SVEP1: variants seen among roughly 807,000 people sequenced by gnomAD.
The protein encoded by SVEP1 is sushi, von Willebrand factor type A, EGF and pentraxin domain containing 1.
In SVEP1, 164 loss-of-function variants were observed where a neutral mutation model predicts 367.3. The observed-to-expected ratio is 0.45, with a 90% CI of 0.39 to 0.51. The LOEUF is 0.51. Among genes scored for constraint, SVEP1 ranks in the 20% least tolerant of loss-of-function variants. SVEP1 has a pLI of 0.00. For missense variants in SVEP1, 4,117 were observed against 4,425.3 expected, an observed-to-expected ratio of 0.93 and a Z score of 1.98; for synonymous variants, 1,666 against 1,611.6, an observed-to-expected ratio of 1.03 and a Z score of -0.81.
chr9:110,579,655 C>A lies in SVEP1; in HGVS notation c.-112G>T. On this transcript the variant is annotated 5_prime_UTR_variant, in exon 1 of 48. Coordinates refer to ENST00000374469, the MANE Select transcript of SVEP1 (RefSeq NM_153366.4). The surrounding 1 kb of genome is among the most constrained non-coding windows in gnomAD (Gnocchi z 5.3). ...GTGCGCGGAGCTGGGCGCGGGGCAG[C>A]GGCCAAGAGCCTCAGCGCCCTTTCA... is the stretch of plus-strand genomic sequence containing the variant. 2 of 1,282,626 alleles carry A rather than the reference C, an allele frequency of 1.6e-6. No homozygotes were observed. The highest frequency in any genetic ancestry group is 3.3e-5 in the South Asian group (2 of 60,726). The allele number at this position is 1,282,626 out of a possible 1,614,324, so 79.5% of individuals were successfully genotyped here.
chr9:110,500,831 AC>A (rs1364644488), intron 6 of SVEP1, among the ~76,000 whole-genome samples: 1 of 151,998 alleles, frequency 6.6e-6, no homozygotes, highest in Non-Finnish European at 1.5e-5. Flanking sequence ...TGATAGAGCT[AC>A]TTTCTATTTA....
chr9:110,388,649 GAA>G (rs1827564688), intron 41 of SVEP1, among the ~76,000 whole-genome samples: 1 of 152,060 alleles, frequency 6.6e-6, no homozygotes, highest in African/African-American at 2.4e-5. Flanking sequence ...GCTGCACTTT[GAA>G]ACCACATAGG....
At chr9:110,524,113 A>T (rs2118797652) in intron 3 of SVEP1, among the ~76,000 whole-genome samples, 1 of 152,292 alleles carries the variant, frequency 6.6e-6, no homozygotes, top group East Asian at 1.9e-4. Flanking sequence ...AGTATTAAAA[A>T]TAATTTGAAT....
chr9:110,524,052 CAAAT>C (rs1829911131), intron 3 of SVEP1, among the ~76,000 whole-genome samples: 1 of 152,002 alleles, frequency 6.6e-6, no homozygotes, highest in Admixed American at 6.6e-5. Context: ...TCTGACAACT[CAAAT>C]GAAACAGACC....
At chr9:110,563,686 A>G (rs529102500) in intron 1 of SVEP1, among the ~76,000 whole-genome samples, 36 of 152,242 alleles carry the variant, frequency 2.4e-4, no homozygotes, top group Non-Finnish European at 5.0e-4. Context: ...GAGAAGAGCT[A>G]GTTCTCAAGA....
intron 37 of SVEP1, among the ~76,000 whole-genome samples, chr9:110,410,599 C>G (rs1216252629): frequency 6.6e-6 from 1 of 152,178 alleles, no homozygotes; most frequent in East Asian, 1.9e-4. Context: ...GCTGTTGCCA[C>G]AAAGCACTTG....
Position 110,432,677 on chromosome 9 carries a change from A to C in SVEP1, c.5060-42T>G, listed in dbSNP as rs767980861. ...AAGAAGACAACGACATTAAGAGCAA[A>C]ATACTCCAAGAACACTTTATTTGTA... On this transcript the variant is annotated intron_variant, in intron 30 of 47. Transcript: ENST00000374469. The C allele has an allele frequency of 8.3e-6, 13 of 1,563,152 alleles. No homozygotes were observed. The South Asian group carries it at 1.5e-4, about 18-fold the overall frequency.
At position 110,503,207 on chromosome 9, in the gene SVEP1, A is replaced by G. The variant is rs747705016; in HGVS notation, c.1314T>C (p.Cys438=). 7.5e-6 allele frequency: 12 copies of G among 1,608,612 alleles called. No homozygotes were observed. The highest frequency in any genetic ancestry group is 2.2e-5 in the East Asian group (1 of 44,876). Residue 438 remains cysteine (C), a synonymous_variant, in exon 6 of 48, where the codon TGT becomes TGC. Transcript: ENST00000374469. ...GSESYCRVRT[C]PHLRQPKHGH... Reference sequence around the variant, plus strand: ...CATGTTTCGGCTGGCGGAGATGAGGACATGTTCTTACTATGTAAAATGAAA... The same window carrying G: ...CATGTTTCGGCTGGCGGAGATGAGGGCATGTTCTTACTATGTAAAATGAAA...
At chr9:110,508,760 C>CAAAAAAAAAAA (rs11316319) in intron 5 of SVEP1, among the ~76,000 whole-genome samples, 25 of 76,462 alleles carry the variant, frequency 3.3e-4, no homozygotes, top group Admixed American at 5.3e-4. Flanking sequence ...GACTCCATCT[C>CAAAAAAAAAAA]AAAAAAAAAA....
intron 1 of SVEP1, among the ~76,000 whole-genome samples, chr9:110,552,167 G>T (rs1164803715): frequency 6.6e-6 from 1 of 151,784 alleles, no homozygotes; most frequent in African/African-American, 2.4e-5. Context: ...GAGTAGCTGG[G>T]ACTACAGGCA....
chr9:110,474,255 C>T (rs909083606), intron 14 of SVEP1, among the ~76,000 whole-genome samples: 1 of 152,170 alleles, frequency 6.6e-6, no homozygotes, highest in Non-Finnish European at 1.5e-5. Flanking sequence ...CCACCTCAGC[C>T]TCCCAACGTG....
Position 110,443,632 on chromosome 9 carries a change from T to A in SVEP1, c.4552A>T (p.Thr1518Ser). 1 of 1,613,530 alleles carries A rather than the reference T, an allele frequency of 6.2e-7. No individual in the cohort carries two copies. The highest frequency in any genetic ancestry group is 8.5e-7 in the Non-Finnish European group (1 of 1,179,744). Residue 1518 changes from threonine (T) to serine (S), a missense_variant, in exon 27 of 48, where the codon ACA becomes TCA. Physicochemically the swap from Thr to Ser is moderately conservative, Grantham distance 58. Coordinates refer to ENST00000374469, the MANE Select transcript of SVEP1 (RefSeq NM_153366.4). Reference sequence around the variant, plus strand: ...ACTTTCCAGATGCCATTGGCACTTGTCCAAGTGATTGCAATATGATGCCAT... The same window carrying A: ...ACTTTCCAGATGCCATTGGCACTTGACCAAGTGATTGCAATATGATGCCAT... ...GRWHHIAITWTSANGIWKVYI... is the reference protein window; with the variant it reads ...GRWHHIAITWSSANGIWKVYI...
At chr9:110,436,655 T>A (rs1311885973) in intron 27 of SVEP1, 151 bp from the exon 28 acceptor site, 1 of 1,155,268 alleles carries the variant, frequency 8.7e-7, no homozygotes, top group Non-Finnish European at 1.2e-6. Context: ...GCAGGTTTTA[T>A]CAATAAGAAC....
chr9:110,434,983 T>C (rs7042161), intron 29 of SVEP1, among the ~76,000 whole-genome samples: 98,584 of 151,824 alleles, frequency 0.65, 32,615 homozygotes, highest in East Asian at 0.96. Flanking sequence ...ATAACCTCAT[T>C]TCTTCTCTAA....
chr9:110,501,100 A>G (rs1223107487), intron 6 of SVEP1, among the ~76,000 whole-genome samples: 2 of 146,118 alleles, frequency 1.4e-5, no homozygotes, highest in East Asian at 3.9e-4. Flanking sequence ...TAATATAATT[A>G]ATATACATAT....
At chr9:110,576,019 G>A (rs1830623649) in intron 1 of SVEP1, among the ~76,000 whole-genome samples, 1 of 152,154 alleles carries the variant, frequency 6.6e-6, no homozygotes, top group Admixed American at 6.5e-5. Context: ...CCCAGGTCCT[G>A]ACACTGGGGC....
chr9:110,465,359 G>C (rs1240174881), intron 18 of SVEP1, among the ~76,000 whole-genome samples: 1 of 151,894 alleles, frequency 6.6e-6, no homozygotes, highest in African/African-American at 2.4e-5. Flanking sequence ...GAATCTCTGG[G>C]AGAGAGGATC....
At chr9:110,502,978 T>C in intron 6 of SVEP1, 60 bp downstream of exon 6, 4 of 1,540,608 alleles carry the variant, frequency 2.6e-6, no homozygotes, top group Non-Finnish European at 3.5e-6. Flanking sequence ...CACAGAATAC[T>C]GGAGAAATCA....
Position 110,366,116 on chromosome 9 carries a change from C to A in SVEP1, c.*423G>T, listed in dbSNP as rs1827194860. On this transcript the variant is annotated 3_prime_UTR_variant, in exon 48 of 48. Transcript: ENST00000374469. ...GGTGCCAGTGGCACAGATGAAAGAT[C>A]ATGAGTCCTCTCTATGAATCCCTTG... 1 of 156,926 alleles carries A rather than the reference C, an allele frequency of 6.4e-6. No homozygotes were observed. Among genetic ancestry groups the A allele is most frequent in the African/African-American group, 2.4e-5 (1 of 41,622 alleles). 9.7% of individuals were successfully genotyped at this position (156,926 alleles called of 1,614,324 possible).
Sources: allele counts gnomAD v4.1 joint callset (sites outside exome capture counted in the v4.1 genomes callset), GRCh38; gene constraint gnomAD v4.1.1; non-coding constraint Gnocchi (gnomAD v3.1); transcripts MANE v1.5; gene names NCBI Gene and HGNC (gene_info 2026-07-23, HGNC 2026-07-21).